PAWR: variants seen among roughly 807,000 people sequenced by gnomAD.
PAWR encodes the protein pro-apoptotic WT1 regulator.
PAWR carries 23 observed loss-of-function variants against 32.0 expected under a neutral mutation model. The observed-to-expected ratio is 0.72, with a 90% confidence interval of 0.52 to 1.02. The LOEUF (loss-of-function observed/expected upper bound fraction) is 1.02. Among genes scored for constraint, PAWR ranks in the 50% least tolerant of loss-of-function variants. The pLI, the probability that PAWR is intolerant of heterozygous loss-of-function variation, is 0.00. For missense variants in PAWR, 457 were observed against 437.7 expected (o/e 1.04, Z -0.39); for synonymous variants, 226 against 187.1 (o/e 1.21, Z -1.70).
At chr12:79,599,691 G>C (rs1258157155) in intron 4 of PAWR, among the ~76,000 whole-genome samples, 1 of 152,226 alleles carries the variant, frequency 6.6e-6, no homozygotes, top group Non-Finnish European at 1.5e-5. Context: ...ATTTGTCTGA[G>C]AGTTAGTCTT....
Position 79,585,127 on chromosome 12 carries a change from C to T in PAWR, c.*7480G>A. 1 of 452,436 alleles carries T rather than the reference C, an allele frequency of 2.2e-6. No individual in the cohort carries two copies. Among genetic ancestry groups the T allele is most frequent in the South Asian group, 1.6e-5 (1 of 63,626 alleles). 28.0% of individuals were successfully genotyped at this position (452,436 alleles called of 1,614,324 possible). On this transcript the variant is annotated 3_prime_UTR_variant, in exon 7 of 7. Transcript: ENST00000328827. ...CTTCTCCTGATACAATCTTTTGCAA[C>T]ATAACCAACAAAGATCAGGAGCTTA...
At chr12:79,620,881 C>T (rs542451890) in intron 3 of PAWR, among the ~76,000 whole-genome samples, 195 bp downstream of exon 3, 28 of 151,958 alleles carry the variant, frequency 1.8e-4, no homozygotes, top group Non-Finnish European at 3.7e-4. Flanking sequence ...ATGCACAAGC[C>T]GGAAAAGGGT....
At chr12:79,672,145 G>A (rs1592548900) in intron 2 of PAWR, among the ~76,000 whole-genome samples, 3 of 151,992 alleles carry the variant, frequency 2.0e-5, no homozygotes, top group Admixed American at 6.6e-5. Context: ...ACTCTCTCCT[G>A]TATTGCTGTA....
At chr12:79,625,372 A>G (rs912453233) in intron 2 of PAWR, among the ~76,000 whole-genome samples, 1 of 152,226 alleles carries the variant, frequency 6.6e-6, no homozygotes, top group African/African-American at 2.4e-5. Context: ...AATTTTATCC[A>G]AATTTGATGA....
At chr12:79,672,314 TTA>T (rs1266305149) in intron 2 of PAWR, among the ~76,000 whole-genome samples, 1 of 152,188 alleles carries the variant, frequency 6.6e-6, no homozygotes, top group East Asian at 1.9e-4. Context: ...GACCTGGTCT[TTA>T]TCTCTTCTCA....
At chr12:79,598,014 A>G (rs1055351288) in intron 4 of PAWR, 1 of 152,196 alleles carries the variant, frequency 6.6e-6, no homozygotes. Context: ...GTTCCTCACT[A>G]TGTTGGCCTC....
chr12:79,630,454 T>C lies in PAWR; in HGVS notation c.517-9247A>G, dbSNP rs149248384. On this transcript the variant is annotated intron_variant, in intron 2 of 6. Coordinates refer to ENST00000328827, the MANE Select transcript of PAWR (RefSeq NM_002583.4). ...AGCTGGAACTACAGGTGAGCACCAC[T>C]GCACTTGGCTAATTTTTGTATTTTT... Among the ~76,000 whole-genome samples, 622 of 152,122 alleles carry C rather than the reference T, an allele frequency of 4.1e-3. 12 individuals carry two copies. The highest frequency in any genetic ancestry group is 0.014 in the African/African-American group (590 of 41,518).
In PAWR at chr12:79,591,495, A is replaced by G. The variant is rs1873554370; in HGVS notation, c.*1112T>C. 1 of 152,188 alleles carries G rather than the reference A, an allele frequency of 6.6e-6. No homozygotes were observed. 9.4% of individuals were successfully genotyped at this position (152,188 alleles called of 1,614,324 possible). Reference sequence around the variant, plus strand: ...ACGGGGTTCTTAACATGAATATGTAATACAAAAACAATTCTAAATAATAAT... The same window carrying G: ...ACGGGGTTCTTAACATGAATATGTAGTACAAAAACAATTCTAAATAATAAT... On this transcript the variant is annotated 3_prime_UTR_variant, in exon 7 of 7. Coordinates refer to ENST00000328827, the MANE Select transcript of PAWR (RefSeq NM_002583.4).
intron 2 of PAWR, among the ~76,000 whole-genome samples, chr12:79,671,608 C>G (rs1255943807): frequency 6.6e-6 from 1 of 152,076 alleles, no homozygotes; most frequent in Admixed American, 6.6e-5. Context: ...GATGTGTTTA[C>G]CATGTTAATT....
At chr12:79,635,712 T>C (rs1247217558) in intron 2 of PAWR, 2 of 152,176 alleles carry the variant, frequency 1.3e-5, no homozygotes, top group Non-Finnish European at 2.9e-5. Flanking sequence ...ACTATTCATA[T>C]TTGTGTCACC....
At chr12:79,618,386 C>T (rs1874846632) in intron 3 of PAWR, among the ~76,000 whole-genome samples, 2 of 152,196 alleles carry the variant, frequency 1.3e-5, no homozygotes, top group Non-Finnish European at 2.9e-5. Flanking sequence ...ACTTCGGCCT[C>T]CCAGAGTGCT....
At chr12:79,600,648 CTTTTT>C (rs1025749975) in intron 4 of PAWR, among the ~76,000 whole-genome samples, 103 of 102,356 alleles carry the variant, frequency 1.0e-3, no homozygotes, top group African/African-American at 4.3e-3. Context: ...CCATACCTGG[CTTTTT>C]TTTTTTTTTT....
At position 79,632,339 on chromosome 12, in the gene PAWR, ATATATATATATATATATATATATTTT is replaced by A. The variant is rs1566011025; in HGVS notation, c.517-11158_517-11133del. On this transcript the variant is annotated intron_variant, in intron 2 of 6. Coordinates refer to ENST00000328827, the MANE Select transcript of PAWR (RefSeq NM_002583.4). ...TATATATATATATATATATATATAT[ATATATATATATATATATATATATTTT>A]TTTTTTTTTTTAGACAGGGTCTTGG... Among the ~76,000 whole-genome samples, 3 of 53,028 alleles carry A rather than the reference ATATATATATATATATATATATATTTT, an allele frequency of 5.7e-5. 1 individual carries two copies. In the African/African-American group the frequency reaches 1.0e-3, roughly 18 times the overall value. The allele number at this position is 53,028 out of a possible 152,430, so 34.8% of individuals were successfully genotyped here.
At position 79,675,821 on chromosome 12, in the gene PAWR, C is replaced by T. The variant is rs183353115; in HGVS notation, c.516+13908G>A. ...AAATTATCTGTACACCAAACCCCCA[C>T]GACATGAAATTTACCCATGCAGCAA... On this transcript the variant is annotated intron_variant, in intron 2 of 6. Transcript: ENST00000328827. Among the ~76,000 whole-genome samples, 228 of 152,122 alleles carry T rather than the reference C, an allele frequency of 1.5e-3. 1 individual carries two copies. The highest frequency in any genetic ancestry group is 3.8e-3 in the African/African-American group (158 of 41,508).
rs566246743 is a variant in PAWR, at chr12:79,632,743, T to C, written c.517-11536A>G. 4.6e-5 allele frequency among the ~76,000 whole-genome samples: 7 copies of C among 151,982 alleles called. No individual in the cohort carries two copies. In the South Asian group the frequency reaches 1.0e-3, roughly 23 times the overall value. On this transcript the variant is annotated intron_variant, in intron 2 of 6. Coordinates refer to ENST00000328827, the MANE Select transcript of PAWR (RefSeq NM_002583.4). Reference sequence around the variant, plus strand: ...AAAGGATGATCTTTTCAGCAAATGGTGCTGTAACAAATAGATATCCATATA... The same window carrying C: ...AAAGGATGATCTTTTCAGCAAATGGCGCTGTAACAAATAGATATCCATATA...
Position 79,591,884 on chromosome 12 carries a change from G to A in PAWR, c.*723C>T, listed in dbSNP as rs1315015289. The A allele has an allele frequency of 6.6e-6, 1 of 152,182 alleles. No homozygotes were observed. The highest frequency in any genetic ancestry group is 2.1e-4 in the South Asian group (1 of 4,820). 9.4% of individuals were successfully genotyped at this position (152,182 alleles called of 1,614,324 possible). ...AGCAAACCTTGGAACGATAAAAAAA[G>A]GTAGTACCTACATAAGAAATTTTAC... On this transcript the variant is annotated 3_prime_UTR_variant, in exon 7 of 7. Transcript: ENST00000328827.
At chr12:79,659,517 C>T (rs1388525151) in intron 2 of PAWR, among the ~76,000 whole-genome samples, 1 of 152,130 alleles carries the variant, frequency 6.6e-6, no homozygotes, top group African/African-American at 2.4e-5. Context: ...TAATACATGA[C>T]TAGAGAAAGC....
At chr12:79,681,012 G>A (rs1168783912) in intron 2 of PAWR, among the ~76,000 whole-genome samples, 1 of 151,494 alleles carries the variant, frequency 6.6e-6, no homozygotes, top group African/African-American at 2.4e-5. Flanking sequence ...CTACTCAGGA[G>A]GCTCACGTGG....
chr12:79,600,617 GACTACAGGC>G (rs1873922818), intron 4 of PAWR, among the ~76,000 whole-genome samples: 1 of 148,622 alleles, frequency 6.7e-6, no homozygotes, highest in Admixed American at 6.7e-5. Context: ...AAGTAGCTGG[GACTACAGGC>G]ATATGCCACC....
Sources: gnomAD v4.1 joint callset for allele counts (sites outside exome capture counted in the v4.1 genomes callset) on GRCh38, gnomAD v4.1.1 for gene constraint, MANE v1.5 for transcripts, NCBI Gene and HGNC (gene_info 2026-07-23, HGNC 2026-07-21) for gene names.